GUCY1A1: variants seen among roughly 807,000 people sequenced by gnomAD.
The protein encoded by GUCY1A1 is guanylate cyclase 1 soluble subunit alpha 1.
A neutral mutation model predicts 64.5 loss-of-function variants in GUCY1A1; 48 were observed. The observed-to-expected ratio is 0.74, with a 90% confidence interval of 0.59 to 0.95. GUCY1A1 has a LOEUF of 0.95. GUCY1A1 is among the 40% of genes least tolerant of loss of function. GUCY1A1 has a pLI of 0.00. For missense variants in GUCY1A1, 804 were observed against 825.3 expected, an observed-to-expected ratio of 0.97 and a Z score of 0.32; for synonymous variants, 308 against 303.4, an observed-to-expected ratio of 1.02 and a Z score of -0.16.
At chr4:155,683,207 C>G (rs1736053177) in intron 2 of GUCY1A1, among the ~76,000 whole-genome samples, 1 of 151,700 alleles carries the variant, frequency 6.6e-6, no homozygotes, top group Admixed American at 6.6e-5. Context: ...TTCACTTTTT[C>G]TGAAAAAAGT....
At chr4:155,708,376 T>G in intron 5 of GUCY1A1, 82 bp downstream of exon 5, 1 of 763,888 alleles carries the variant, frequency 1.3e-6, no homozygotes, top group Non-Finnish European at 2.3e-6. Flanking sequence ...TCATATTTAT[T>G]TGTTGGTGAC....
At chr4:155,702,904 C>T (rs1203126693) in intron 3 of GUCY1A1, among the ~76,000 whole-genome samples, 1 of 151,404 alleles carries the variant, frequency 6.6e-6, no homozygotes, top group Non-Finnish European at 1.5e-5. Context: ...TAACTTGGGA[C>T]AGCAAAAAAT....
chr4:155,708,668 A>G (rs890789725), intron 5 of GUCY1A1, among the ~76,000 whole-genome samples: 2 of 152,220 alleles, frequency 1.3e-5, no homozygotes, highest in Admixed American at 6.5e-5. Context: ...AGTTAACAGT[A>G]TTCTCACATT....
chr4:155,693,946 G>A (rs1579045478), intron 2 of GUCY1A1, among the ~76,000 whole-genome samples: 1 of 152,088 alleles, frequency 6.6e-6, no homozygotes, highest in Non-Finnish European at 1.5e-5. Flanking sequence ...CTATATTATG[G>A]CAAACTTCTA....
At chr4:155,691,826 AGTGCAGTTT>A (rs1355313243) in intron 2 of GUCY1A1, among the ~76,000 whole-genome samples, 5 of 152,102 alleles carry the variant, frequency 3.3e-5, no homozygotes, top group Non-Finnish European at 7.4e-5. Flanking sequence ...TAGGGGTACA[AGTGCAGTTT>A]GTTACATAAG....
chr4:155,676,038 G>C (rs1734866429), intron 2 of GUCY1A1, among the ~76,000 whole-genome samples: 1 of 151,484 alleles, frequency 6.6e-6, no homozygotes, highest in South Asian at 2.1e-4. Context: ...TAAGATGCCT[G>C]TTTTACCGTG....
intron 2 of GUCY1A1, among the ~76,000 whole-genome samples, chr4:155,696,051 C>T (rs569909932): frequency 5.8e-4 from 89 of 152,256 alleles, no homozygotes; most frequent in Middle Eastern, 3.4e-3. Context: ...TAGTCTTTGA[C>T]TCACCGCAGT....
At chr4:155,696,373 A>T (rs1345300439) in intron 2 of GUCY1A1, among the ~76,000 whole-genome samples, 1 of 152,182 alleles carries the variant, frequency 6.6e-6, no homozygotes, top group Admixed American at 6.5e-5. Flanking sequence ...ATGAGAATGT[A>T]GTAGTACAAG....
chr4:155,667,140 G>C (rs1017081278), intron 1 of GUCY1A1, 175 bp downstream of exon 1: 1 of 152,386 alleles, frequency 6.6e-6, no homozygotes, highest in Non-Finnish European at 1.5e-5. Context: ...GACTGTCTGG[G>C]AGCCACGCGG....
rs141572348 is a variant in GUCY1A1, at chr4:155,682,396, A to G, written c.-112-14360A>G. 1.5e-3 allele frequency among the ~76,000 whole-genome samples: 228 copies of G among 152,208 alleles called. 3 individuals are homozygous for G. The highest frequency in any genetic ancestry group is 5.4e-3 in the African/African-American group (224 of 41,540). Reference sequence around the variant, plus strand: ...TCTTATATATACATAAGAAAATTCGACTGGGCACGGTGGCTCATGCCTGTA... The same window carrying G: ...TCTTATATATACATAAGAAAATTCGGCTGGGCACGGTGGCTCATGCCTGTA... On this transcript the variant is annotated intron_variant, in intron 2 of 9. Coordinates refer to ENST00000506455, the MANE Select transcript of GUCY1A1 (RefSeq NM_001130682.3).
chr4:155,697,599 G>A (rs1730582085), intron 3 of GUCY1A1, among the ~76,000 whole-genome samples: 2 of 152,068 alleles, frequency 1.3e-5, no homozygotes, highest in South Asian at 4.1e-4. Flanking sequence ...AGCATCATAC[G>A]TCCCCTGCCA....
chr4:155,678,394 A>G (rs1451384830), intron 2 of GUCY1A1, among the ~76,000 whole-genome samples: 1 of 152,212 alleles, frequency 6.6e-6, no homozygotes, highest in Non-Finnish European at 1.5e-5. Flanking sequence ...AACAAGGTAA[A>G]CATAAAGGTT....
intron 3 of GUCY1A1, among the ~76,000 whole-genome samples, chr4:155,703,241 A>G (rs1353439545): frequency 6.6e-6 from 1 of 152,202 alleles, no homozygotes; most frequent in East Asian, 1.9e-4. Flanking sequence ...AAAAGAAAAT[A>G]AAACCATAAG....
At chr4:155,713,924 A>G (rs1414529008) in intron 7 of GUCY1A1, among the ~76,000 whole-genome samples, 1 of 152,230 alleles carries the variant, frequency 6.6e-6, no homozygotes, top group Non-Finnish European at 1.5e-5. Context: ...CTGCCACTTC[A>G]CTGTGGAAAC....
chr4:155,682,527 C>T (rs886803932), intron 2 of GUCY1A1, among the ~76,000 whole-genome samples: 3 of 152,024 alleles, frequency 2.0e-5, no homozygotes, highest in Admixed American at 1.3e-4. Context: ...AAAGCATTAG[C>T]TGGGCGTGGT....
chr4:155,726,439 A>G (rs548788727), intron 9 of GUCY1A1, among the ~76,000 whole-genome samples: 1 of 152,028 alleles, frequency 6.6e-6, no homozygotes, highest in South Asian at 2.1e-4. Context: ...TACTCAAACT[A>G]TAGTACAAGA....
At chr4:155,704,643 T>C (rs900773344) in intron 4 of GUCY1A1, among the ~76,000 whole-genome samples, 5 of 152,212 alleles carry the variant, frequency 3.3e-5, no homozygotes, top group Non-Finnish European at 5.9e-5. Context: ...AGTTTGTTTA[T>C]ACTTTTTTTC....
chr4:155,679,605 C>A (rs1349394542), intron 2 of GUCY1A1, among the ~76,000 whole-genome samples: 1 of 152,114 alleles, frequency 6.6e-6, no homozygotes, highest in Admixed American at 6.5e-5. Flanking sequence ...GAGAACGGTG[C>A]CAAGTCATTC....
intron 8 of GUCY1A1, among the ~76,000 whole-genome samples, chr4:155,718,532 A>G (rs975758485): frequency 8.5e-5 from 13 of 152,138 alleles, no homozygotes; most frequent in Non-Finnish European, 1.8e-4. Context: ...TCAGCTGGGA[A>G]TACCGAAATG....
Sources: gnomAD v4.1 joint callset for allele counts (sites outside exome capture counted in the v4.1 genomes callset) on GRCh38, gnomAD v4.1.1 for gene constraint, MANE v1.5 for transcripts, NCBI Gene and HGNC (gene_info 2026-07-23, HGNC 2026-07-21) for gene names.